Variants in SLC25A36 observed in about 807,000 individuals in gnomAD.
SLC25A36 encodes the protein solute carrier family 25 member 36.
Under a neutral mutation model 35.3 loss-of-function variants are expected in SLC25A36, and 24 were observed. The ratio of observed to expected loss-of-function variants is 0.68; its 90% CI spans 0.49 to 0.96. The LOEUF (loss-of-function observed/expected upper bound fraction) is 0.96. Ranked by LOEUF, SLC25A36 falls within the 40% of genes least tolerant of loss-of-function variation. SLC25A36 has a pLI of 0.00. For synonymous variants in SLC25A36, 141 were observed against 132.2 expected (o/e 1.07, Z -0.46); for missense variants, 294 against 381.1 (o/e 0.77, Z 1.90).
intron 1 of SLC25A36, among the ~76,000 whole-genome samples, chr3:140,948,020 C>A (rs535337133): frequency 1.1e-4 from 16 of 152,176 alleles, no homozygotes; most frequent in Non-Finnish European, 2.2e-4. Flanking sequence ...GTGGCACGAT[C>A]TCGGCTCACT....
At chr3:140,949,743 G>A (rs895389924) in intron 1 of SLC25A36, among the ~76,000 whole-genome samples, 2 of 152,118 alleles carry the variant, frequency 1.3e-5, no homozygotes, top group African/African-American at 4.8e-5. Context: ...TTACAGACTT[G>A]GCTATTCTGT....
In SLC25A36 at chr3:140,961,855, CAAAAAAAAAAAAAAA is replaced by C. The variant is rs553759457; in HGVS notation, c.285-1256_285-1242del. ...TGGGCAAAAGAGCGAGGCTCCGTCT[CAAAAAAAAAAAAAAA>C]AAAAAAAAAAAAAAAGGCATACTGG... is the stretch of plus-strand genomic sequence containing the variant. On this transcript the variant is annotated intron_variant, in intron 3 of 6. Transcript: ENST00000324194. 2.1e-3 allele frequency among the ~76,000 whole-genome samples: 74 copies of C among 35,844 alleles called. No individual in the cohort carries two copies. The East Asian group carries it at 0.055, about 27-fold the overall frequency. The allele number at this position is 35,844 out of a possible 152,430, so 23.5% of individuals were successfully genotyped here.
intron 6 of SLC25A36, among the ~76,000 whole-genome samples, chr3:140,975,613 A>G (rs1935023387): frequency 6.6e-6 from 1 of 152,204 alleles, no homozygotes. Context: ...TCTACCCACA[A>G]CTGGCCAAAA....
Position 140,959,542 on chromosome 3 carries a change from T to TA in SLC25A36, c.284+17dup, listed in dbSNP as rs76812029. On this transcript the variant is annotated splice_region_variant and intron_variant, in intron 3 of 6. Transcript: ENST00000324194. ...TTTAGTGGGGGTAGCCCCTTCCAGG[T>TA]AAAAAAAAAAAAAAATTGTTTAAAG... 0.065 allele frequency: 76,583 copies of TA among 1,187,244 alleles called. 26 individuals are homozygous for TA. The highest frequency in any genetic ancestry group is 0.071 in the Non-Finnish European group (63,655 of 898,164). The allele number at this position is 1,187,244 out of a possible 1,614,324, so 73.5% of individuals were successfully genotyped here.
intron 3 of SLC25A36, among the ~76,000 whole-genome samples, chr3:140,962,652 T>G (rs1433856271): frequency 7.7e-6 from 1 of 130,404 alleles, no homozygotes; most frequent in Non-Finnish European, 1.6e-5. Flanking sequence ...TGAAGAAAAT[T>G]ATATGTTAAG....
intron 1 of SLC25A36, among the ~76,000 whole-genome samples, chr3:140,945,707 A>G (rs905145009): frequency 1.3e-5 from 2 of 151,414 alleles, no homozygotes; most frequent in African/African-American, 2.4e-5. Flanking sequence ...ACCAGACTGT[A>G]GTCATCGTAT....
At chr3:140,968,733 A>G in intron 4 of SLC25A36, 1 of 981,448 alleles carries the variant, frequency 1.0e-6, no homozygotes. Flanking sequence ...AAGCTTGGGT[A>G]CTGCTTAAAA....
chr3:140,972,841 T>A (rs1258538545), intron 5 of SLC25A36: 1 of 152,118 alleles, frequency 6.6e-6, no homozygotes, highest in Non-Finnish European at 1.5e-5. Flanking sequence ...GGTGTTGTAG[T>A]TGTGATTTTA....
rs3215276 is a variant in SLC25A36 at position 140,980,694 on chromosome 3, G to GCCC, written c.*4250_*4252dup. ...CAAAATGTAATTAAATGTTCCCCCT[G>GCCC]CCCCCCCCCCCTTTTAATATATATA... On this transcript the variant is annotated 3_prime_UTR_variant, in exon 7 of 7. Coordinates refer to ENST00000324194, the MANE Select transcript of SLC25A36 (RefSeq NM_001104647.3). Among the ~76,000 whole-genome samples the GCCC allele has an allele frequency of 2.8e-4, 26 of 93,640 alleles. No homozygotes were observed. Among genetic ancestry groups the GCCC allele is most frequent in the African/African-American group, 8.9e-4 (22 of 24,690 alleles). The allele number at this position is 93,640 out of a possible 152,430, so 61.4% of individuals were successfully genotyped here. A position where few individuals can be genotyped will look rare whatever the true frequency, so the allele number is the denominator to read the frequency against.
chr3:140,974,072 C>A, intron 6 of SLC25A36, 67 bp downstream of exon 6: 3 of 1,114,522 alleles, frequency 2.7e-6, no homozygotes, highest in Non-Finnish European at 3.8e-6. Context: ...CTTATTAAAG[C>A]ATTTATAATT....
chr3:140,959,501 G>T lies in SLC25A36; in HGVS notation c.245G>T (p.Arg82Ile). The T allele has an allele frequency of 6.6e-7, 1 of 1,512,256 alleles. No homozygotes were observed. 93.7% of individuals were successfully genotyped at this position (1,512,256 alleles called of 1,614,324 possible). ...AAAGAAGGGCCTCGTTCCTTGTTTA[G>T]AGGACTAGGCCCCAATTTAGTGGGG... The part of the protein sequence containing the change: ...LEKEGPRSLF[R>I]GLGPNLVGVA... The change falls in exon 3 of 7, where the codon AGA becomes ATA. Residue 82 changes from arginine to isoleucine, a missense_variant. Physicochemically the swap from Arg to Ile is moderately conservative, Grantham distance 97. Around this residue, in one of 2 missense-constraint regions of SLC25A36, gnomAD observed 185 missense variants for 201.5 expected, o/e 0.92. Coordinates refer to ENST00000324194, the MANE Select transcript of SLC25A36 (RefSeq NM_001104647.3).
intron 6 of SLC25A36, among the ~76,000 whole-genome samples, chr3:140,975,431 A>G (rs1007391176): frequency 2.0e-5 from 3 of 152,128 alleles, no homozygotes; most frequent in Admixed American, 6.6e-5. Context: ...TTGGAGTTAA[A>G]TGGCACGAAT....
chr3:140,959,370 G>A, intron 2 of SLC25A36, 93 bp from the exon 3 acceptor site: 4 of 744,424 alleles, frequency 5.4e-6, no homozygotes, highest in Non-Finnish European at 8.5e-6. Flanking sequence ...TAATACAAAT[G>A]TACTGGATTT....
chr3:140,943,121 AT>A (rs1467183698), intron 1 of SLC25A36, among the ~76,000 whole-genome samples: 1 of 152,152 alleles, frequency 6.6e-6, no homozygotes, highest in African/African-American at 2.4e-5. Flanking sequence ...AATCATAGCA[AT>A]TTTAAGAGTT....
intron 1 of SLC25A36, among the ~76,000 whole-genome samples, chr3:140,950,918 C>CTGTGTGTGTG (rs373375551): frequency 0.015 from 2,086 of 136,454 alleles, 30 homozygotes; most frequent in African/African-American, 0.038. Context: ...GTCTGTGTGT[C>CTGTGTGTGTG]TGTGTGTGTG....
intron 5 of SLC25A36, among the ~76,000 whole-genome samples, 160 bp downstream of exon 5, chr3:140,971,153 T>C (rs1934888724): frequency 6.6e-6 from 1 of 152,154 alleles, no homozygotes; most frequent in African/African-American, 2.4e-5. Context: ...GAGTTGACAA[T>C]ATGAACTTTT....
At chr3:140,964,859 A>C (rs1214280409) in intron 4 of SLC25A36, 1 of 151,854 alleles carries the variant, frequency 6.6e-6, no homozygotes, top group African/African-American at 2.4e-5. Context: ...GTATCTCATC[A>C]GAATTTATTA....
Position 140,978,698 on chromosome 3 carries a change from G to C in SLC25A36, c.*2245G>C, listed in dbSNP as rs1447244028. ...TGTACTGGAAAGCAAAGAAATCTTA[G>C]AGTCTTGGACATTGTTTATTTGTGC... On this transcript the variant is annotated 3_prime_UTR_variant, in exon 7 of 7. Transcript: ENST00000324194. 1 of 152,132 alleles carries C rather than the reference G, an allele frequency of 6.6e-6. No individual in the cohort carries two copies. The highest frequency in any genetic ancestry group is 1.9e-4 in the East Asian group (1 of 5,204). 9.4% of individuals were successfully genotyped at this position (152,132 alleles called of 1,614,324 possible).
chr3:140,947,616 T>A (rs1372062274), intron 1 of SLC25A36, among the ~76,000 whole-genome samples: 1 of 152,216 alleles, frequency 6.6e-6, no homozygotes, highest in East Asian at 1.9e-4. Flanking sequence ...GCTTCCATGT[T>A]TATCTAAGTT....
Sources: gnomAD v4.1 joint callset for allele counts (sites outside exome capture counted in the v4.1 genomes callset) on GRCh38, gnomAD v4.1.1 for gene constraint, gnomAD v4.1.1 regional missense constraint, MANE v1.5 for transcripts, NCBI Gene and HGNC (gene_info 2026-07-23, HGNC 2026-07-21) for gene names.